Variants in DDX39B observed in about 807,000 individuals in gnomAD.
The protein encoded by DDX39B is spliceosome RNA helicase DDX39B.
DDX39B carries 6 observed loss-of-function variants against 46.4 expected under a neutral mutation model. The observed-to-expected ratio is 0.13, with a 90% confidence interval of 0.07 to 0.26. The LOEUF is 0.26. Ranked by LOEUF, DDX39B falls within the 10% of genes least tolerant of loss-of-function variation. DDX39B has a pLI of 1.00. For missense variants in DDX39B, 185 were observed against 553.4 expected (o/e 0.33, Z 6.68); for synonymous variants, 174 against 199.4 (o/e 0.87, Z 1.07).
In DDX39B at chr6:31,534,711, G is replaced by A. The variant is rs776746812; in HGVS notation, c.735+656C>T. 5 of 353,934 alleles carry A rather than the reference G, an allele frequency of 1.4e-5. No individual in the cohort carries two copies. Among genetic ancestry groups the A allele is most frequent in the Admixed American group, 7.5e-5 (2 of 26,568 alleles). The allele number at this position is 353,934 out of a possible 1,614,324, so 21.9% of individuals were successfully genotyped here. A position where few individuals can be genotyped will look rare whatever the true frequency, so the allele number is the denominator to read the frequency against. ...GCGGCCTCCGCTGCCGCCATCCACC[G>A]CTGGGTGCCGTCTGCATTCCCTCGC... On this transcript the variant is annotated intron_variant, in intron 6 of 10. Transcript: ENST00000396172. The surrounding 1 kb of genome is among the most constrained non-coding windows in gnomAD (Gnocchi z 5.1).
At chr6:31,533,165 A>C in intron 6 of DDX39B, 1 of 400,248 alleles carries the variant, frequency 2.5e-6, no homozygotes, top group Admixed American at 4.0e-5. Context: ...GAAACTGCAA[A>C]TGAAGTCAAG....
chr6:31,541,593 A>T (rs935375994), intron 1 of DDX39B: 2 of 469,318 alleles, frequency 4.3e-6, no homozygotes, highest in Non-Finnish European at 8.8e-6. Flanking sequence ...AGCTCAAGAA[A>T]GGACAAGGAA....
chr6:31,532,762 ACTG>A lies in DDX39B; in HGVS notation c.867+15_867+17del. 1 of 1,609,146 alleles carries A rather than the reference ACTG, an allele frequency of 6.2e-7. No individual in the cohort carries two copies. Among genetic ancestry groups the A allele is most frequent in the Non-Finnish European group, 8.5e-7 (1 of 1,178,758 alleles). ...GGAGTGCTCCAATGCTCATCCCCCT[ACTG>A]GACGTCTAACTGACCTGGTTGAACT... On this transcript the variant is annotated intron_variant, in intron 7 of 10. Coordinates refer to ENST00000396172, the MANE Select transcript of DDX39B (RefSeq NM_004640.7).
At chr6:31,539,670 C>T (rs2239709) in intron 2 of DDX39B, among the ~76,000 whole-genome samples, 12,873 of 152,200 alleles carry the variant, frequency 0.085, 798 homozygotes, top group South Asian at 0.19. Context: ...ACTACTACAA[C>T]CCTGGACAAA....
rs1370797525 is a variant in DDX39B, at chr6:31,540,371, T to A, written c.162A>T (p.Pro54=). ...SSGFRDFLLK[P]ELLRAIVDCG... ...AGTCGACAATGGCCCGGAGCAACTC[T>A]GGCTTGAGCAGGAAGTCACGAAAGC... The change falls in exon 2 of 11, where the codon CCA becomes CCT. Residue 54 remains proline, a synonymous_variant. Coordinates refer to ENST00000396172, the MANE Select transcript of DDX39B (RefSeq NM_004640.7). 6.2e-7 allele frequency: 1 copy of A among 1,614,234 alleles called. No homozygotes were observed. Among genetic ancestry groups the A allele is most frequent in the Admixed American group, 1.7e-5 (1 of 60,032 alleles).
At chr6:31,532,437 G>T in intron 7 of DDX39B, 2 of 201,234 alleles carry the variant, frequency 9.9e-6, no homozygotes, top group Non-Finnish European at 2.1e-5. Context: ...ATGAAGTTTC[G>T]CCATGTTGCC....
intron 1 of DDX39B, chr6:31,541,571 G>A: frequency 8.7e-6 from 4 of 460,570 alleles, no homozygotes; most frequent in Non-Finnish European, 1.8e-5. Context: ...GTCCCACCGA[G>A]GGCCGAGAAA....
chr6:31,536,391 G>T, intron 5 of DDX39B, 109 bp downstream of exon 5: 1 of 1,492,372 alleles, frequency 6.7e-7, no homozygotes, highest in Non-Finnish European at 9.3e-7. Context: ...AGTCATGGGT[G>T]ATAGATAAGA....
rs1177947746 is a variant in DDX39B, at chr6:31,535,834, C to T, written c.617-349G>A. Among the ~76,000 whole-genome samples, 1 of 152,150 alleles carries T rather than the reference C, an allele frequency of 6.6e-6. No individual in the cohort carries two copies. Among genetic ancestry groups the T allele is most frequent in the Non-Finnish European group, 1.5e-5 (1 of 68,026 alleles). On this transcript the variant is annotated intron_variant, in intron 5 of 10. Coordinates refer to ENST00000396172, the MANE Select transcript of DDX39B (RefSeq NM_004640.7). The surrounding 1 kb of genome is among the most constrained non-coding windows in gnomAD (Gnocchi z 4.6). ...CAAATATCAAGCACATATTATATTC[C>T]AGATATCAGAGTCCATCTATGACTC...
rs1302662028 is a variant in DDX39B, at chr6:31,540,383, G to T, written c.150C>A (p.Phe50Leu). ...VSIHSSGFRD[F>L]LLKPELLRAI... Reference sequence around the variant, plus strand: ...CCCGGAGCAACTCTGGCTTGAGCAGGAAGTCACGAAAGCCAGAGCTGTGGA... The same window carrying T: ...CCCGGAGCAACTCTGGCTTGAGCAGTAAGTCACGAAAGCCAGAGCTGTGGA... The change falls in exon 2 of 11, where the codon TTC (phenylalanine) becomes TTA (leucine). Residue 50 changes from phenylalanine to leucine, a missense_variant. Coordinates refer to ENST00000396172, the MANE Select transcript of DDX39B (RefSeq NM_004640.7). The T allele has an allele frequency of 6.2e-7, 1 of 1,614,248 alleles. No homozygotes were observed. The highest frequency in any genetic ancestry group is 8.5e-7 in the Non-Finnish European group (1 of 1,180,054).
Position 31,541,825 on chromosome 6 carries a change from T to C in DDX39B, c.-133+125A>G, listed in dbSNP as rs566729449. On this transcript the variant is annotated intron_variant, in intron 1 of 10. Transcript: ENST00000396172. ...TCGAAAGGGATGCAAGCTAAGGAAA[T>C]AGCGAACCAACTAGGCCCCAGCGAC... 1.5e-4 allele frequency: 98 copies of C among 653,636 alleles called. No individual in the cohort carries two copies. In the East Asian group the frequency reaches 2.3e-3, roughly 15 times the overall value. The allele number at this position is 653,636 out of a possible 1,614,324, so 40.5% of individuals were successfully genotyped here.
rs1554267395 is a variant in DDX39B, at chr6:31,531,985, T to TTTTTTTA, written c.868-587_868-581dup. Among the ~76,000 whole-genome samples the TTTTTTTA allele has an allele frequency of 6.6e-6, 1 of 151,966 alleles. No individual in the cohort carries two copies. Among genetic ancestry groups the TTTTTTTA allele is most frequent in the Non-Finnish European group, 1.5e-5 (1 of 68,004 alleles). ...GGTGCACACCACCACGCCCAGCTACTTTTTTTATTTTTTATTTTTACTATT... is the reference window on the plus strand; with the variant it reads ...GGTGCACACCACCACGCCCAGCTACTTTTTTTATTTTTTATTTTTTATTTTTACTATT... On this transcript the variant is annotated intron_variant, in intron 7 of 10. Transcript: ENST00000396172. The surrounding 1 kb of genome is among the most constrained non-coding windows in gnomAD (Gnocchi z 5.8).
rs780726042 is a variant in DDX39B at position 31,531,224 on chromosome 6, T to C, written c.978-27A>G. Reference sequence around the variant, plus strand: ...TTTGTGAGAAAGGAAATTTAAAACATGTTGAGATTCCCTTCTCTCAACTGT... The same window carrying C: ...TTTGTGAGAAAGGAAATTTAAAACACGTTGAGATTCCCTTCTCTCAACTGT... On this transcript the variant is annotated intron_variant, in intron 8 of 10. Coordinates refer to ENST00000396172, the MANE Select transcript of DDX39B (RefSeq NM_004640.7). This position sits in a 1 kb window ranked among gnomAD's most constrained non-coding sequence, Gnocchi z 5.8. 3 of 1,614,008 alleles carry C rather than the reference T, an allele frequency of 1.9e-6. No homozygotes were observed. Among genetic ancestry groups the C allele is most frequent in the South Asian group, 2.2e-5 (2 of 91,088 alleles).
Position 31,535,108 on chromosome 6 carries a change from T to G in DDX39B, c.735+259A>C. The G allele has an allele frequency of 2.0e-6, 1 of 497,664 alleles. No homozygotes were observed. The highest frequency in any genetic ancestry group is 3.4e-6 in the Non-Finnish European group (1 of 290,922). The allele number at this position is 497,664 out of a possible 1,614,324, so 30.8% of individuals were successfully genotyped here. A position where few individuals can be genotyped will look rare whatever the true frequency, so the allele number is the denominator to read the frequency against. On this transcript the variant is annotated intron_variant, in intron 6 of 10. Transcript: ENST00000396172. This position sits in a 1 kb window ranked among gnomAD's most constrained non-coding sequence, Gnocchi z 4.6. ...CAAAGGGAGAAGAGGTTCAAAAATG[T>G]TGTGATTTATGAAAAAGTCGAACAC...
chr6:31,539,085 A>G, intron 3 of DDX39B, 62 bp downstream of exon 3: 2 of 1,613,614 alleles, frequency 1.2e-6, no homozygotes, highest in African/African-American at 1.3e-5. Context: ...AGCTAGGACA[A>G]AAACACCCTT....
At chr6:31,538,943 G>T in intron 3 of DDX39B, 88 bp from the exon 4 acceptor site, 1 of 1,494,008 alleles carries the variant, frequency 6.7e-7, no homozygotes, top group Non-Finnish European at 9.3e-7. Flanking sequence ...AACACACCTG[G>T]GCCGATAATA....
In DDX39B at chr6:31,530,374, C is replaced by T. The variant is rs1371625215; in HGVS notation, c.*60G>A. 23 of 1,606,322 alleles carry T rather than the reference C, an allele frequency of 1.4e-5. No homozygotes were observed. The highest frequency in any genetic ancestry group is 2.0e-5 in the Non-Finnish European group (23 of 1,175,716). On this transcript the variant is annotated 3_prime_UTR_variant, in exon 11 of 11. Transcript: ENST00000396172. This position sits in a 1 kb window ranked among gnomAD's most constrained non-coding sequence, Gnocchi z 4.5. ...GTGGGGGCAGTAGTGTCTCCTTCAC[C>T]CCCACCCTGGTGTCCTCTCCTGAAG...
rs755280697 is a variant in DDX39B, at chr6:31,532,913, TG to T, written c.736-3del. On this transcript the variant is annotated splice_polypyrimidine_tract_variant and splice_region_variant and intron_variant, in intron 6 of 10. Transcript: ENST00000396172. ...ATCATCCACGAAGATCTCCATTGGC[TG>T]GGGGGGAGGAAGGGGGTGGGGAACG... 2.6e-4 allele frequency: 113 copies of T among 442,558 alleles called. No homozygotes were observed. The highest frequency in any genetic ancestry group is 7.0e-4 in the Middle Eastern group (1 of 1,438). The allele number at this position is 442,558 out of a possible 1,614,324, so 27.4% of individuals were successfully genotyped here. A position where few individuals can be genotyped will look rare whatever the true frequency, so the allele number is the denominator to read the frequency against.
At chr6:31,536,956 C>T (rs1422368650) in intron 4 of DDX39B, among the ~76,000 whole-genome samples, 2 of 152,070 alleles carry the variant, frequency 1.3e-5, no homozygotes, top group African/African-American at 4.8e-5. Context: ...GGCCAGGCTT[C>T]ATTTAAAAAA....
Sources: allele counts gnomAD v4.1 joint callset (sites outside exome capture counted in the v4.1 genomes callset), GRCh38; gene constraint gnomAD v4.1.1; non-coding constraint Gnocchi (gnomAD v3.1); transcripts MANE v1.5; gene names NCBI Gene and HGNC (gene_info 2026-07-23, HGNC 2026-07-21).